The following TRIM14 variants were observed in gnomAD, a reference collection of about 807,000 sequenced individuals.
The protein encoded by TRIM14 is tripartite motif containing 14, also known as tripartite motif-containing protein 14.
Under a neutral mutation model 44.5 loss-of-function variants are expected in TRIM14, and 28 were observed. The observed-to-expected ratio is 0.63, with a 90% CI of 0.47 to 0.86. The LOEUF is 0.86. TRIM14 is among the 40% of genes least tolerant of loss of function. The pLI is 0.00. For missense variants in TRIM14, 607 were observed against 611.1 expected, an observed-to-expected ratio of 0.99 and a Z score of 0.07; for synonymous variants, 299 against 269.2, an observed-to-expected ratio of 1.11 and a Z score of -1.08.
chr9:98,056,469 TG>T, the TRIM14 span, among the ~76,000 whole-genome samples: 1 of 149,644 alleles, frequency 6.7e-6, no homozygotes, highest in Non-Finnish European at 1.5e-5. Flanking sequence ...GTCCGCCTCC[TG>T]CAGGGAATGC....
At position 98,087,515 on chromosome 9, in the gene TRIM14, G is replaced by T. The variant is rs1319273158; in HGVS notation, c.1284C>A (p.Ala428=). 1 of 1,599,808 alleles carries T rather than the reference G, an allele frequency of 6.3e-7. No homozygotes were observed. Among genetic ancestry groups the T allele is most frequent in the Non-Finnish European group, 8.5e-7 (1 of 1,173,930 alleles). The change falls in exon 6 of 6, where the codon GCC becomes GCA. Residue 428 remains alanine, a synonymous_variant. Transcript: ENST00000341469. ...TGATGGCCCCCTCCCAGAGCCGCAGGGCCGGGTAGAGCGGCTCCTGGAACG... is the reference window on the plus strand; with the variant it reads ...TGATGGCCCCCTCCCAGAGCCGCAGTGCCGGGTAGAGCGGCTCCTGGAACG... The part of the protein sequence containing the change: ...RATFQEPLYP[A]LRLWEGAISI...
chr9:98,099,918 A>AC lies in TRIM14; in HGVS notation c.537+12dup. The AC allele has an allele frequency of 1.2e-6, 2 of 1,606,650 alleles. No homozygotes were observed. The highest frequency in any genetic ancestry group is 1.7e-6 in the Non-Finnish European group (2 of 1,174,990). ...GCAGGTGGCAGCAGTAAGAGCAGTGACCCCAGCATTACCTGAAGCCTCTGG... is the reference window on the plus strand; with the variant it reads ...GCAGGTGGCAGCAGTAAGAGCAGTGACCCCCAGCATTACCTGAAGCCTCTGG... On this transcript the variant is annotated intron_variant, in intron 3 of 5. Coordinates refer to ENST00000341469, the MANE Select transcript of TRIM14 (RefSeq NM_014788.4).
At chr9:98,060,874 T>C in the TRIM14 span, 3 of 1,614,202 alleles carry the variant, frequency 1.9e-6, no homozygotes, top group East Asian at 6.7e-5. Flanking sequence ...CCTCGAAGCA[T>C]TCCTGGGGGA....
rs537738723 is a variant in TRIM14, at chr9:98,107,551, A to G, written c.303+2338T>C. ...TGAGTGAAAAATACCTCAAAAGATC[A>G]TTTTCCATTTTTATGACATTTTCAA... On this transcript the variant is annotated intron_variant, in intron 2 of 5. Transcript: ENST00000341469. 4.6e-5 allele frequency among the ~76,000 whole-genome samples: 7 copies of G among 152,298 alleles called. No individual in the cohort carries two copies. In the East Asian group the frequency reaches 1.4e-3, roughly 29 times the overall value.
the TRIM14 span, among the ~76,000 whole-genome samples, chr9:98,052,026 C>T: frequency 6.6e-6 from 1 of 152,258 alleles, no homozygotes; most frequent in Admixed American, 6.5e-5. Flanking sequence ...ATATTCGCTA[C>T]CTGGTTATTA....
intron 6 of TRIM14, among the ~76,000 whole-genome samples, chr9:98,073,473 C>T (rs919183743): frequency 1.3e-5 from 2 of 151,052 alleles, no homozygotes; most frequent in African/African-American, 4.9e-5. Flanking sequence ...TTAGTAGAGG[C>T]GGGGTTTCAC....
the TRIM14 span, among the ~76,000 whole-genome samples, chr9:98,046,262 G>A: frequency 1.3e-5 from 2 of 152,062 alleles, no homozygotes; most frequent in African/African-American, 4.8e-5. Context: ...TTATACATGC[G>A]TAAGTATTAG....
At position 98,119,166 on chromosome 9, in the gene TRIM14, C is replaced by T; in HGVS notation, c.23G>A (p.Ser8Asn). The change falls in exon 1 of 6, where the codon AGC (serine) becomes AAC (asparagine). Residue 8 changes from serine (S) to asparagine (N), a missense_variant. Transcript: ENST00000341469. Reference protein sequence around the residue: MAGAATGSRTPGRSELVE... With the variant: MAGAATGNRTPGRSELVE... Reference sequence around the variant, plus strand: ...AAGCTCCGACCTCCCAGGGGTCCGGCTCCCGGTCGCCGCGCCCGCCATTCA... The same window carrying T: ...AAGCTCCGACCTCCCAGGGGTCCGGTTCCCGGTCGCCGCGCCCGCCATTCA... 1 of 1,578,626 alleles carries T rather than the reference C, an allele frequency of 6.3e-7. No individual in the cohort carries two copies. The highest frequency in any genetic ancestry group is 8.5e-7 in the Non-Finnish European group (1 of 1,172,538).
intron 2 of TRIM14, among the ~76,000 whole-genome samples, chr9:98,106,744 T>C (rs1826625519): frequency 6.6e-6 from 1 of 152,032 alleles, no homozygotes; most frequent in African/African-American, 2.4e-5. Flanking sequence ...ATAGTAAAAA[T>C]GTCAATTCTC....
At chr9:98,060,790 G>A in the TRIM14 span, 1 of 1,614,144 alleles carries the variant, frequency 6.2e-7, no homozygotes. Context: ...AGGAGTGTGG[G>A]GCTGATTGTG....
intron 1 of TRIM14, 58 bp from the exon 2 acceptor site, chr9:98,110,042 C>A: frequency 7.5e-7 from 1 of 1,339,706 alleles, no homozygotes; most frequent in Non-Finnish European, 1.1e-6. Flanking sequence ...AAATAACAGG[C>A]CCCCCACAGG....
At chr9:98,116,435 A>C (rs1012723400) in intron 1 of TRIM14, among the ~76,000 whole-genome samples, 4 of 152,198 alleles carry the variant, frequency 2.6e-5, no homozygotes, top group Non-Finnish European at 5.9e-5. Context: ...GAACCTCAAG[A>C]TATTTTGGGA....
chr9:98,047,304 G>A, the TRIM14 span, among the ~76,000 whole-genome samples: 14 of 152,284 alleles, frequency 9.2e-5, no homozygotes, highest in East Asian at 3.9e-4. Context: ...ACGTGGAACT[G>A]TGAGACCATC....
At chr9:98,051,463 A>G in the TRIM14 span, among the ~76,000 whole-genome samples, 2 of 152,212 alleles carry the variant, frequency 1.3e-5, no homozygotes, top group African/African-American at 4.8e-5. Flanking sequence ...TCCATTATTT[A>G]GCATAACTTT....
intron 6 of TRIM14, chr9:98,075,280 T>A (rs1177109498): frequency 2.0e-5 from 3 of 150,944 alleles, no homozygotes; most frequent in Non-Finnish European, 4.4e-5. Context: ...CAAGACCCCG[T>A]CTCTACCACA....
the TRIM14 span, among the ~76,000 whole-genome samples, chr9:98,042,660 A>G: frequency 6.6e-6 from 1 of 152,148 alleles, no homozygotes; most frequent in Non-Finnish European, 1.5e-5. Context: ...TCATGAGGTG[A>G]AGAGATTGAG....
downstream of TRIM14, among the ~76,000 whole-genome samples, chr9:98,064,757 T>C (rs1209169254): frequency 1.3e-5 from 2 of 152,104 alleles, no homozygotes; most frequent in Non-Finnish European, 2.9e-5. Flanking sequence ...CTTTCCACAG[T>C]CCCTCAGCTG....
chr9:98,118,175 C>T (rs1000937688), intron 1 of TRIM14, among the ~76,000 whole-genome samples: 6 of 152,132 alleles, frequency 3.9e-5, no homozygotes, highest in African/African-American at 1.2e-4. Context: ...ACCCAGGCTT[C>T]ATGAAACCCA....
intron 1 of TRIM14, chr9:98,115,999 C>A (rs932751200): frequency 6.6e-6 from 1 of 151,840 alleles, no homozygotes; most frequent in Admixed American, 6.6e-5. Context: ...GACCCCGCCT[C>A]TATTAAAAAA....
Sources: gnomAD v4.1 joint callset for allele counts (sites outside exome capture counted in the v4.1 genomes callset) on GRCh38, gnomAD v4.1.1 for gene constraint, MANE v1.5 for transcripts, NCBI Gene and HGNC (gene_info 2026-07-23, HGNC 2026-07-21) for gene names.